Variants in ZNF689 observed in about 807,000 individuals in gnomAD.
ZNF689 encodes the protein zinc finger protein 689, also known as short ORF-encoded histone-binding protein.
In ZNF689, 14 loss-of-function variants were observed where a neutral mutation model predicts 37.2. The ratio of observed to expected loss-of-function variants is 0.38; its 90% CI spans 0.25 to 0.59. The LOEUF is 0.59. ZNF689 is among the 20% of genes least tolerant of loss of function. The pLI is 0.68. For missense variants in ZNF689, 573 were observed against 700.2 expected (o/e 0.82, Z 2.05); for synonymous variants, 277 against 283.3 (o/e 0.98, Z 0.22).
Position 30,609,532 on chromosome 16 carries a change from G to A in ZNF689, c.312C>T (p.Val104=), listed in dbSNP as rs765657958. Residue 104 remains valine, a synonymous_variant, in exon 2 of 3, where the codon GTC becomes GTT. Transcript: ENST00000287461. Reference sequence around the variant, plus strand: ...TGGTTATTTAGCACTCACTTCTCTGGACTGTTAGCCCTCTCGGGTACTCCT... The same window carrying A: ...TGGTTATTTAGCACTCACTTCTCTGAACTGTTAGCCCTCTCGGGTACTCCT... ...DPQEYPRGLT[V]QRKSRTRKKN... 5 of 1,613,944 alleles carry A rather than the reference G, an allele frequency of 3.1e-6. No individual in the cohort carries two copies. The highest frequency in any genetic ancestry group is 4.2e-6 in the Non-Finnish European group (5 of 1,179,892).
chr16:30,609,510 T>A lies in ZNF689; in HGVS notation c.319+15A>T. On this transcript the variant is annotated intron_variant, in intron 2 of 2. Coordinates refer to ENST00000287461, the MANE Select transcript of ZNF689 (RefSeq NM_138447.3). ...TAGGAGGGCTGCAGGCTCTGCGTGG[T>A]TATTTAGCACTCACTTCTCTGGACT... The A allele has an allele frequency of 6.2e-7, 1 of 1,610,994 alleles. No homozygotes were observed. The highest frequency in any genetic ancestry group is 8.5e-7 in the Non-Finnish European group (1 of 1,177,374).
intron 2 of ZNF689, among the ~76,000 whole-genome samples, chr16:30,607,818 C>T (rs1034377306): frequency 2.2e-4 from 33 of 152,100 alleles, no homozygotes; most frequent in Admixed American, 1.9e-3. Context: ...AAAAATTAGC[C>T]GGGTGTGATC....
At chr16:30,608,974 C>G (rs1216922813) in intron 2 of ZNF689, among the ~76,000 whole-genome samples, 1 of 152,184 alleles carries the variant, frequency 6.6e-6, no homozygotes, top group Non-Finnish European at 1.5e-5. Context: ...AAGGGTCATC[C>G]TGCCGTAAGA....
Position 30,604,694 on chromosome 16 carries a change from C to T in ZNF689, c.1073G>A (p.Ser358Asn). ...CAAGAGCTGGTGCTGGAGCAGCGTG[C>T]TGCGCTGGGAGAAGCGGGCCTCACA... is the stretch of plus-strand genomic sequence containing the variant. ...EHCEARFSQRSTLLQHQLLHT... is the reference protein window; with the variant it reads ...EHCEARFSQRNTLLQHQLLHT... Residue 358 changes from serine (S) to asparagine (N), a missense_variant, in exon 3 of 3, where the codon AGC becomes AAC. Transcript: ENST00000287461. This position sits in a 1 kb window ranked among gnomAD's most constrained non-coding sequence, Gnocchi z 5.2. 1 of 1,608,694 alleles carries T rather than the reference C, an allele frequency of 6.2e-7. No homozygotes were observed.
chr16:30,610,137 G>T lies in ZNF689; in HGVS notation c.-96C>A. ...GATCGAGGAGCCCCTGCCGGACCAG[G>T]GCTGAGCGTGGCCGGGGAGGCCCGG... is the stretch of plus-strand genomic sequence containing the variant. On this transcript the variant is annotated 5_prime_UTR_variant, in exon 1 of 3. Coordinates refer to ENST00000287461, the MANE Select transcript of ZNF689 (RefSeq NM_138447.3). 1 of 1,390,096 alleles carries T rather than the reference G, an allele frequency of 7.2e-7. No homozygotes were observed. Among genetic ancestry groups the T allele is most frequent in the Non-Finnish European group, 9.5e-7 (1 of 1,048,310 alleles). 86.1% of individuals were successfully genotyped at this position (1,390,096 alleles called of 1,614,324 possible).
chr16:30,607,858 A>G (rs1459555938), intron 2 of ZNF689, among the ~76,000 whole-genome samples: 1 of 152,256 alleles, frequency 6.6e-6, no homozygotes, highest in East Asian at 1.9e-4. Flanking sequence ...CCTACTCCAG[A>G]GGCTGAGACA....
Position 30,604,471 on chromosome 16 carries a change from G to A in ZNF689, c.1296C>T (p.Asp432=). ...ACTGAGCAAAACGCTTGGAGCAAAG[G>A]TCGCAGGCATAGGGCCGCTCGCCCG... is the stretch of plus-strand genomic sequence containing the variant. ...VHSGERPYAC[D]LCSKRFAQWS... Residue 432 remains aspartate (D), a synonymous_variant, in exon 3 of 3, where the codon GAC becomes GAT. Coordinates refer to ENST00000287461, the MANE Select transcript of ZNF689 (RefSeq NM_138447.3). This position sits in a 1 kb window ranked among gnomAD's most constrained non-coding sequence, Gnocchi z 5.2. The A allele has an allele frequency of 2.5e-6, 4 of 1,609,348 alleles. No homozygotes were observed. The highest frequency in any genetic ancestry group is 1.7e-4 in the Middle Eastern group (1 of 6,058).
At position 30,604,504 on chromosome 16, in the gene ZNF689, G is replaced by GC; in HGVS notation, c.1262dup (p.Val422ArgfsTer57). On this transcript the variant is annotated frameshift_variant, in exon 3 of 3. Coordinates refer to ENST00000287461, the MANE Select transcript of ZNF689 (RefSeq NM_138447.3). LOFTEE classifies it high-confidence loss of function. The surrounding 1 kb of genome is among the most constrained non-coding windows in gnomAD (Gnocchi z 5.2). ...CATAGGGCCGCTCGCCCGAGTGCAC[G>GC]CGCCGGTGGCTGGCCAGCAGTGAGG... is the stretch of plus-strand genomic sequence containing the variant. 6.3e-7 allele frequency: 1 copy of GC among 1,597,354 alleles called. No homozygotes were observed.
Position 30,605,084 on chromosome 16 carries a change from G to A in ZNF689, c.683C>T (p.Thr228Ile). ...AGGGCAGTGATAGGGCTTCTCCCCT[G>A]TATGGATGACCTGGTGCTGGGAGAG... ...KNLSQHQVIHTGEKPYHCPDC... is the reference protein window; with the variant it reads ...KNLSQHQVIHIGEKPYHCPDC... The change falls in exon 3 of 3, where the codon ACA (threonine) becomes ATA (isoleucine). Residue 228 changes from threonine to isoleucine, a missense_variant. Coordinates refer to ENST00000287461, the MANE Select transcript of ZNF689 (RefSeq NM_138447.3). The surrounding 1 kb of genome is among the most constrained non-coding windows in gnomAD (Gnocchi z 5.1). The A allele has an allele frequency of 6.2e-7, 1 of 1,614,112 alleles. No individual in the cohort carries two copies. Among genetic ancestry groups the A allele is most frequent in the African/African-American group, 1.3e-5 (1 of 75,016 alleles).
rs1280784361 is a variant in ZNF689 at position 30,609,828 on chromosome 16, C to T, written c.205+9G>A. On this transcript the variant is annotated intron_variant, in intron 1 of 2. Transcript: ENST00000287461. ...CGCGCCCCGCGGCAGCGGATGGGGC[C>T]GGCCTCACCGAGCGCGCCCAGGTGA... The T allele has an allele frequency of 6.3e-7, 1 of 1,595,854 alleles. No individual in the cohort carries two copies. The highest frequency in any genetic ancestry group is 8.5e-7 in the Non-Finnish European group (1 of 1,172,766).
rs191873843 is a variant in ZNF689, at chr16:30,603,391, C to A, written c.*873G>T. The A allele has an allele frequency of 1.6e-4, 24 of 147,278 alleles. No homozygotes were observed. The highest frequency in any genetic ancestry group is 3.0e-4 in the Non-Finnish European group (20 of 67,174). The allele number at this position is 147,278 out of a possible 1,614,324, so 9.1% of individuals were successfully genotyped here. On this transcript the variant is annotated 3_prime_UTR_variant, in exon 3 of 3. Coordinates refer to ENST00000287461, the MANE Select transcript of ZNF689 (RefSeq NM_138447.3). The stretch of plus-strand genomic sequence containing the variant: ...TTTTTTTTTTTTTTTAAGTTTAGGG[C>A]ATTTATATATCTGCAACCCAATAAA...
In ZNF689 at chr16:30,605,106, A is replaced by G. The variant is rs756605182; in HGVS notation, c.661T>C (p.Ser221Pro). Residue 221 changes from serine (S) to proline (P), a missense_variant, in exon 3 of 3, where the codon TCC becomes CCC. Physicochemically the swap from Ser to Pro is moderately conservative, Grantham distance 74. Transcript: ENST00000287461. This position sits in a 1 kb window ranked among gnomAD's most constrained non-coding sequence, Gnocchi z 5.1. ...CCTGTATGGATGACCTGGTGCTGGG[A>G]GAGGTTCTTGCGCTGGGAGAAACGT... Reference protein sequence around the residue: ...GKRFSQRKNLSQHQVIHTGEK... With the variant: ...GKRFSQRKNLPQHQVIHTGEK... 3 of 1,613,044 alleles carry G rather than the reference A, an allele frequency of 1.9e-6. No individual in the cohort carries two copies.
chr16:30,604,729 G>A lies in ZNF689; in HGVS notation c.1038C>T (p.Ala346=). The A allele has an allele frequency of 6.2e-7, 1 of 1,606,332 alleles. No individual in the cohort carries two copies. The highest frequency in any genetic ancestry group is 8.5e-7 in the Non-Finnish European group (1 of 1,177,468). Residue 346 remains alanine, a synonymous_variant, in exon 3 of 3, where the codon GCC becomes GCT. Transcript: ENST00000287461. The surrounding 1 kb of genome is among the most constrained non-coding windows in gnomAD (Gnocchi z 5.2). ...AGAAGCGGGCCTCACAGTGCTCGCA[G>A]GCATAGGGACGCTCCCCAGAGTGCA... ...RRVHSGERPY[A]CEHCEARFSQ...
chr16:30,604,961 C>T lies in ZNF689; in HGVS notation c.806G>A (p.Arg269His). 1 of 1,579,710 alleles carries T rather than the reference C, an allele frequency of 6.3e-7. No homozygotes were observed. The highest frequency in any genetic ancestry group is 8.6e-7 in the Non-Finnish European group (1 of 1,161,174). Reference sequence around the variant, plus strand: ...GGCTAGCAGGGAGGGGTAGGCGAAGCGACGTCCACAGCTAGGGCACTGGTG... The same window carrying T: ...GGCTAGCAGGGAGGGGTAGGCGAAGTGACGTCCACAGCTAGGGCACTGGTG... ...KPHQCPSCGR[R>H]FAYPSLLAIH... is the part of the protein sequence containing the mutation. Residue 269 changes from arginine (R) to histidine (H), a missense_variant, in exon 3 of 3, where the codon CGC becomes CAC. Around this residue, in one of 3 missense-constraint regions of ZNF689, gnomAD observed 317 missense variants for 367.1 expected, o/e 0.86. Coordinates refer to ENST00000287461, the MANE Select transcript of ZNF689 (RefSeq NM_138447.3). The surrounding 1 kb of genome is among the most constrained non-coding windows in gnomAD (Gnocchi z 5.2).
At position 30,604,589 on chromosome 16, in the gene ZNF689, C is replaced by G. The variant is rs142008271; in HGVS notation, c.1178G>C (p.Ser393Thr). 1.9e-6 allele frequency: 3 copies of G among 1,593,302 alleles called. No homozygotes were observed. In the African/African-American group the frequency reaches 4.0e-5, roughly 21 times the overall value. Residue 393 changes from serine (S) to threonine (T), a missense_variant, in exon 3 of 3, where the codon AGC (serine) becomes ACC (threonine). By Grantham distance (58) the Ser-to-Thr change is moderately conservative. This residue lies in a region of ZNF689 where 317 missense variants were observed against 367.1 expected (regional missense o/e 0.86). Transcript: ENST00000287461. The surrounding 1 kb of genome is among the most constrained non-coding windows in gnomAD (Gnocchi z 5.2). The stretch of plus-strand genomic sequence containing the variant: ...GTGCAGCTTCTCCTCTGTGTGCGTG[C>G]TGCGATGGATGGCCAGGGAGCCGCT... ...RRSGSLAIHR[S>T]THTEEKLHAC...
At position 30,604,563 on chromosome 16, in the gene ZNF689, C is replaced by T. The variant is rs1445336363; in HGVS notation, c.1204G>A (p.Ala402Thr). The T allele has an allele frequency of 3.8e-6, 6 of 1,587,446 alleles. No homozygotes were observed. Among genetic ancestry groups the T allele is most frequent in the South Asian group, 2.3e-5 (2 of 88,294 alleles). The stretch of plus-strand genomic sequence containing the variant: ...AAGCGGCGACCACAGTCGTCGCAGG[C>T]GTGCAGCTTCTCCTCTGTGTGCGTG... ...RSTHTEEKLH[A>T]CDDCGRRFAY... Residue 402 changes from alanine to threonine, a missense_variant, in exon 3 of 3, where the codon GCC becomes ACC. This residue lies in a region of ZNF689 where 317 missense variants were observed against 367.1 expected (regional missense o/e 0.86). Coordinates refer to ENST00000287461, the MANE Select transcript of ZNF689 (RefSeq NM_138447.3). This position sits in a 1 kb window ranked among gnomAD's most constrained non-coding sequence, Gnocchi z 5.2.
intron 2 of ZNF689, chr16:30,608,636 T>G (rs2052058090): frequency 6.6e-6 from 1 of 152,202 alleles, no homozygotes; most frequent in Admixed American, 6.6e-5. Flanking sequence ...AAAATGGAAG[T>G]TCCTAAACAT....
At position 30,605,017 on chromosome 16, in the gene ZNF689, A is replaced by ACAC; in HGVS notation, c.749_750insGTG (p.Asn250delinsLysCys). On this transcript the variant is annotated protein_altering_variant, in exon 3 of 3. Coordinates refer to ENST00000287461, the MANE Select transcript of ZNF689 (RefSeq NM_138447.3). This position sits in a 1 kb window ranked among gnomAD's most constrained non-coding sequence, Gnocchi z 5.1. ...TTTCACCTGTGTGTGTGGTCCGGTG[A>ACAC]TTGGCCAAGGACCGGCTCCTCCGGA... The ACAC allele has an allele frequency of 6.2e-7, 1 of 1,608,438 alleles. No individual in the cohort carries two copies. Among genetic ancestry groups the ACAC allele is most frequent in the East Asian group, 2.2e-5 (1 of 44,668 alleles).
intron 2 of ZNF689, among the ~76,000 whole-genome samples, chr16:30,606,205 G>A (rs1270017393): frequency 6.6e-6 from 1 of 152,056 alleles, no homozygotes; most frequent in Non-Finnish European, 1.5e-5. Context: ...TTGGAAGGCT[G>A]AGGTAGAGGA....
Sources: allele counts gnomAD v4.1 joint callset (sites outside exome capture counted in the v4.1 genomes callset), GRCh38; gene constraint gnomAD v4.1.1; regional missense constraint gnomAD v4.1.1; non-coding constraint Gnocchi (gnomAD v3.1); transcripts MANE v1.5; gene names NCBI Gene and HGNC (gene_info 2026-07-23, HGNC 2026-07-21).